The following ADCY2 variants were observed in gnomAD, a reference collection of about 807,000 sequenced individuals.
ADCY2 encodes adenylate cyclase 2.
Under a neutral mutation model 125.2 loss-of-function variants are expected in ADCY2, and 31 were observed. That is an observed-to-expected ratio of 0.25 (90% CI 0.19 to 0.33). The LOEUF is 0.33. Among genes scored for constraint, ADCY2 ranks in the 10% least tolerant of loss-of-function variants. The probability of loss-of-function intolerance (pLI) is 1.00; values close to 1 mark genes in which losing one functional copy is unlikely to be tolerated. For synonymous variants in ADCY2, 512 were observed against 548.4 expected, an observed-to-expected ratio of 0.93 and a Z score of 0.93; for missense variants, 904 against 1,418.2, an observed-to-expected ratio of 0.64 and a Z score of 5.82.
chr5:7,630,077 G>C (rs1309573882), intron 4 of ADCY2, among the ~76,000 whole-genome samples: 1 of 152,078 alleles, frequency 6.6e-6, no homozygotes, highest in Non-Finnish European at 1.5e-5. Flanking sequence ...AAAAATACTA[G>C]TCGGGCGAGG....
At chr5:7,721,577 G>A (rs1029167643) in intron 12 of ADCY2, among the ~76,000 whole-genome samples, 4 of 152,180 alleles carry the variant, frequency 2.6e-5, no homozygotes, top group African/African-American at 9.7e-5. Context: ...TTTTGTATAA[G>A]GTGTAAGGAA....
In ADCY2 at chr5:7,802,386, C is replaced by G. The variant is rs773627320; in HGVS notation, c.2775+22C>G. On this transcript the variant is annotated intron_variant, in intron 21 of 24. Coordinates refer to ENST00000338316, the MANE Select transcript of ADCY2 (RefSeq NM_020546.3). The surrounding 1 kb of genome is among the most constrained non-coding windows in gnomAD (Gnocchi z 4.6). The stretch of plus-strand genomic sequence containing the variant: ...TGATGTAGGTACTGAGAGTTGCCCT[C>G]GAAGGGCAGCAGTACACTCAGTCTC... The G allele has an allele frequency of 6.2e-6, 10 of 1,610,954 alleles. No individual in the cohort carries two copies. Among genetic ancestry groups the G allele is most frequent in the Non-Finnish European group, 6.8e-6 (8 of 1,178,250 alleles).
chr5:7,515,021 C>T (rs779283351), intron 2 of ADCY2, among the ~76,000 whole-genome samples: 26 of 152,198 alleles, frequency 1.7e-4, no homozygotes, highest in Admixed American at 7.9e-4. Flanking sequence ...CTGAAGAAGC[C>T]ATGAAATCAT....
intron 2 of ADCY2, among the ~76,000 whole-genome samples, chr5:7,476,143 T>C (rs1742516760): frequency 6.6e-6 from 1 of 152,166 alleles, no homozygotes; most frequent in Admixed American, 6.5e-5. Flanking sequence ...AAACCCATTT[T>C]AGCACTGAAA....
At chr5:7,756,146 T>C (rs1054711100) in intron 15 of ADCY2, among the ~76,000 whole-genome samples, 2 of 152,248 alleles carry the variant, frequency 1.3e-5, no homozygotes, top group African/African-American at 4.8e-5. Context: ...AGATAACGTA[T>C]GCAAATTATG....
At chr5:7,635,247 C>A (rs1436771090) in intron 4 of ADCY2, among the ~76,000 whole-genome samples, 1 of 152,054 alleles carries the variant, frequency 6.6e-6, no homozygotes, top group Non-Finnish European at 1.5e-5. Context: ...CCTTCTAGCT[C>A]CTAGTAGAGG....
chr5:7,760,425 T>A (rs930056494), intron 16 of ADCY2, among the ~76,000 whole-genome samples: 5 of 152,166 alleles, frequency 3.3e-5, no homozygotes, highest in African/African-American at 1.2e-4. Flanking sequence ...AAGGTTCCAA[T>A]TTACTCAGAA....
chr5:7,498,530 G>T (rs1743431309), intron 2 of ADCY2, among the ~76,000 whole-genome samples: 1 of 152,110 alleles, frequency 6.6e-6, no homozygotes, highest in South Asian at 2.1e-4. Flanking sequence ...TTACAGGCGT[G>T]AGCCACCGTG....
intron 16 of ADCY2, among the ~76,000 whole-genome samples, chr5:7,758,664 A>C (rs1428539207): frequency 6.6e-6 from 1 of 152,186 alleles, no homozygotes; most frequent in Non-Finnish European, 1.5e-5. Context: ...ACAGCTGGGT[A>C]ACCTCATCAT....
At chr5:7,749,716 G>T (rs1347846768) in intron 15 of ADCY2, 1 of 152,108 alleles carries the variant, frequency 6.6e-6, no homozygotes, top group Non-Finnish European at 1.5e-5. Context: ...AATATCAGAA[G>T]AAATTTTTCT....
chr5:7,695,089 GTT>G (rs1740846338), intron 5 of ADCY2, among the ~76,000 whole-genome samples: 1 of 152,212 alleles, frequency 6.6e-6, no homozygotes, highest in Non-Finnish European at 1.5e-5. Flanking sequence ...TCAGAAACAT[GTT>G]ATTGTGTAGG....
At chr5:7,419,760 T>G (rs1740119986) in intron 2 of ADCY2, among the ~76,000 whole-genome samples, 1 of 152,136 alleles carries the variant, frequency 6.6e-6, no homozygotes, top group African/African-American at 2.4e-5. Context: ...TCATATAAGG[T>G]TAACTCTAAA....
At chr5:7,540,111 T>C (rs1417645623) in intron 3 of ADCY2, among the ~76,000 whole-genome samples, 1 of 152,116 alleles carries the variant, frequency 6.6e-6, no homozygotes, top group African/African-American at 2.4e-5. Context: ...TTCTCACTTA[T>C]CAGTGGGAGC....
At chr5:7,704,517 G>T (rs942608551) in intron 7 of ADCY2, among the ~76,000 whole-genome samples, 5 of 152,090 alleles carry the variant, frequency 3.3e-5, no homozygotes, top group Non-Finnish European at 7.3e-5. Flanking sequence ...TACTACTCTT[G>T]CAAGCTTTAA....
intron 16 of ADCY2, among the ~76,000 whole-genome samples, chr5:7,759,253 C>T (rs929031849): frequency 1.3e-5 from 2 of 152,210 alleles, no homozygotes; most frequent in African/African-American, 4.8e-5. Flanking sequence ...AGCTCCATTT[C>T]AGGAGCTCCC....
At chr5:7,539,394 A>G (rs1734923396) in intron 3 of ADCY2, among the ~76,000 whole-genome samples, 1 of 152,154 alleles carries the variant, frequency 6.6e-6, no homozygotes, top group South Asian at 2.1e-4. Flanking sequence ...CTTAGCATCT[A>G]CTAGGAAACC....
intron 3 of ADCY2, among the ~76,000 whole-genome samples, chr5:7,527,465 C>T (rs1177229719): frequency 6.6e-6 from 1 of 152,032 alleles, no homozygotes; most frequent in East Asian, 1.9e-4. Context: ...CTTTTATTTC[C>T]TTGGTATTCA....
At chr5:7,463,373 G>C (rs574733512) in intron 2 of ADCY2, among the ~76,000 whole-genome samples, 5 of 152,254 alleles carry the variant, frequency 3.3e-5, no homozygotes, top group African/African-American at 1.2e-4. Context: ...GTGTAGTGGT[G>C]CTCACCATAG....
chr5:7,654,382 A>G (rs1012810890), intron 4 of ADCY2, among the ~76,000 whole-genome samples: 1 of 152,146 alleles, frequency 6.6e-6, no homozygotes, highest in Non-Finnish European at 1.5e-5. Context: ...GGGAATGAGC[A>G]GCATGCCTGT....
Sources: allele counts gnomAD v4.1 joint callset (sites outside exome capture counted in the v4.1 genomes callset), GRCh38; gene constraint gnomAD v4.1.1; non-coding constraint Gnocchi (gnomAD v3.1); transcripts MANE v1.5; gene names NCBI Gene and HGNC (gene_info 2026-07-23, HGNC 2026-07-21).